The following DCLK1 variants were observed in gnomAD, a reference collection of about 807,000 sequenced individuals.
DCLK1 encodes the protein serine/threonine-protein kinase DCLK1.
DCLK1 carries 16 observed loss-of-function variants against 86.2 expected under a neutral mutation model. The ratio of observed to expected loss-of-function variants is 0.19; its 90% CI spans 0.13 to 0.28. DCLK1 has a LOEUF of 0.28. Among genes scored for constraint, DCLK1 ranks in the 10% least tolerant of loss-of-function variants. DCLK1 has a pLI of 1.00. For synonymous variants in DCLK1, 369 were observed against 370.5 expected (o/e 1.00, Z 0.05); for missense variants, 590 against 940.2 (o/e 0.63, Z 4.87).
At chr13:35,879,290 C>G (rs1044586177) in intron 4 of DCLK1, among the ~76,000 whole-genome samples, 2 of 152,174 alleles carry the variant, frequency 1.3e-5, no homozygotes, top group African/African-American at 4.8e-5. Flanking sequence ...ACACCCAGCT[C>G]AGTGCTCCAG....
intron 3 of DCLK1, among the ~76,000 whole-genome samples, chr13:36,008,585 G>A (rs1397463169): frequency 7.6e-6 from 1 of 131,340 alleles, no homozygotes; most frequent in African/African-American, 2.9e-5. Flanking sequence ...AGTATTCCAT[G>A]GTGTATATGT....
At chr13:35,833,339 C>T (rs1283524651) in intron 8 of DCLK1, among the ~76,000 whole-genome samples, 1 of 152,184 alleles carries the variant, frequency 6.6e-6, no homozygotes, top group East Asian at 1.9e-4. Flanking sequence ...AGGCATCTCA[C>T]ATCACGCCCT....
intron 2 of DCLK1, among the ~76,000 whole-genome samples, chr13:36,117,213 T>C (rs779502115): frequency 1.3e-5 from 2 of 152,052 alleles, no homozygotes; most frequent in Non-Finnish European, 2.9e-5. Flanking sequence ...AAGTAGAGAC[T>C]CTTTTACTTA....
At chr13:36,000,499 C>T (rs1013367921) in intron 3 of DCLK1, among the ~76,000 whole-genome samples, 6 of 151,914 alleles carry the variant, frequency 3.9e-5, no homozygotes, top group Non-Finnish European at 8.8e-5. Context: ...GCATTAAGAG[C>T]GGGATACCAT....
intron 10 of DCLK1, among the ~76,000 whole-genome samples, chr13:35,826,565 A>AGGAAGGAAGGG: frequency 1.5e-5 from 1 of 68,900 alleles, no homozygotes; most frequent in African/African-American, 3.9e-5. Context: ...GAAAGAAACA[A>AGGAAGGAAGGG]GTCCTAATTT....
chr13:36,096,285 C>T (rs1429019990), intron 3 of DCLK1, among the ~76,000 whole-genome samples: 1 of 152,156 alleles, frequency 6.6e-6, no homozygotes, highest in Non-Finnish European at 1.5e-5. Flanking sequence ...TAAGAGGCTT[C>T]ACAGGGGAGA....
intron 5 of DCLK1, among the ~76,000 whole-genome samples, chr13:35,861,336 A>G (rs570114345): frequency 4.6e-4 from 70 of 152,350 alleles, no homozygotes; most frequent in Middle Eastern, 6.8e-3. Context: ...GCTGGGATCC[A>G]AGAACAGGCT....
intron 4 of DCLK1, among the ~76,000 whole-genome samples, chr13:35,883,685 G>A (rs1412713702): frequency 6.6e-6 from 1 of 152,214 alleles, no homozygotes; most frequent in African/African-American, 2.4e-5. Flanking sequence ...TTGCAAAGTG[G>A]TTATTCTGGG....
intron 3 of DCLK1, among the ~76,000 whole-genome samples, chr13:36,013,006 C>T (rs1169944075): frequency 1.3e-5 from 1 of 77,718 alleles, no homozygotes. Context: ...ACCCTTTCTT[C>T]CAGTTGATCG....
chr13:35,942,957 A>C (rs1178501219), intron 4 of DCLK1, among the ~76,000 whole-genome samples: 1 of 152,226 alleles, frequency 6.6e-6, no homozygotes, highest in Admixed American at 6.5e-5. Flanking sequence ...CTTGTAATCC[A>C]AGTTCAAATA....
chr13:35,896,303 C>G (rs1315749658), intron 4 of DCLK1, among the ~76,000 whole-genome samples: 1 of 151,906 alleles, frequency 6.6e-6, no homozygotes, highest in Non-Finnish European at 1.5e-5. Context: ...CTTTGGGAGG[C>G]CAAGGAGGGT....
At chr13:35,949,797 C>A (rs1877564207) in intron 3 of DCLK1, among the ~76,000 whole-genome samples, 3 of 148,442 alleles carry the variant, frequency 2.0e-5, no homozygotes, top group African/African-American at 7.4e-5. Flanking sequence ...ACTTAAAGAA[C>A]AGAACAAACA....
Position 35,793,399 on chromosome 13 carries a change from C to T in DCLK1, c.2025G>A (p.Pro675=), listed in dbSNP as rs181860743. Residue 675 remains proline (P), a synonymous_variant, in exon 16 of 17, where the codon CCG becomes CCA. Transcript: ENST00000360631. ...IKKHFNTGPK[P]NSTAAGVSVI... is the part of the protein sequence containing the mutation. ...CAGAAACTCCAGCTGCTGTGCTATT[C>T]GGCTTGGGGCCTGTGTTGAAATGCT... 23 of 1,608,384 alleles carry T rather than the reference C, an allele frequency of 1.4e-5. No individual in the cohort carries two copies. Among genetic ancestry groups the T allele is most frequent in the East Asian group, 6.7e-5 (3 of 44,516 alleles).
At chr13:35,909,572 T>C (rs1213500987) in intron 4 of DCLK1, among the ~76,000 whole-genome samples, 1 of 149,062 alleles carries the variant, frequency 6.7e-6, no homozygotes, top group African/African-American at 2.5e-5. Flanking sequence ...CTCAATAAAC[T>C]CTGGTTATTA....
At chr13:35,958,539 T>TACC (rs977941179) in intron 3 of DCLK1, among the ~76,000 whole-genome samples, 43 of 147,750 alleles carry the variant, frequency 2.9e-4, no homozygotes, top group African/African-American at 1.0e-3. Flanking sequence ...TAACTACCAA[T>TACC]ACCACCACCA....
chr13:35,830,999 A>G (rs1868917115), intron 8 of DCLK1, among the ~76,000 whole-genome samples: 1 of 152,206 alleles, frequency 6.6e-6, no homozygotes, highest in Non-Finnish European at 1.5e-5. Context: ...GACAAGAAGC[A>G]GGATCCCCAG....
intron 3 of DCLK1, among the ~76,000 whole-genome samples, chr13:35,998,128 T>C (rs1470404361): frequency 6.6e-6 from 1 of 152,168 alleles, no homozygotes; most frequent in East Asian, 1.9e-4. Context: ...AATTTTAACA[T>C]AATTTTTTAA....
intron 3 of DCLK1, among the ~76,000 whole-genome samples, chr13:36,024,800 A>G (rs1429006730): frequency 4.6e-5 from 7 of 152,188 alleles, no homozygotes; most frequent in African/African-American, 9.6e-5. Flanking sequence ...AGAAAGAAGA[A>G]TAAAGGTGGA....
chr13:35,925,341 A>G (rs961570658), intron 4 of DCLK1, among the ~76,000 whole-genome samples: 4 of 152,228 alleles, frequency 2.6e-5, no homozygotes, highest in East Asian at 1.9e-4. Context: ...TAAATAATTC[A>G]GAGTTTTGAT....
Sources: gnomAD v4.1 joint callset for allele counts (sites outside exome capture counted in the v4.1 genomes callset) on GRCh38, gnomAD v4.1.1 for gene constraint, MANE v1.5 for transcripts, NCBI Gene and HGNC (gene_info 2026-07-23, HGNC 2026-07-21) for gene names.